Variants in ANO3 observed in about 807,000 individuals in gnomAD.
ANO3 encodes anoctamin 3, also known as anoctamin-3.
ANO3 carries 99 observed loss-of-function variants against 144.8 expected under a neutral mutation model. The ratio of observed to expected loss-of-function variants is 0.68; its 90% CI spans 0.58 to 0.81. The LOEUF (loss-of-function observed/expected upper bound fraction) is 0.81, where lower values mean the gene tolerates loss of function less well. Ranked by LOEUF, ANO3 falls within the 30% of genes least tolerant of loss-of-function variation. ANO3 has a pLI of 0.00. For synonymous variants in ANO3, 414 were observed against 392.6 expected (o/e 1.05, Z -0.64); for missense variants, 905 against 1,202.2 (o/e 0.75, Z 3.66).
At chr11:26,348,933 G>A (rs560826612) in intron 1 of ANO3, among the ~76,000 whole-genome samples, 1 of 152,144 alleles carries the variant, frequency 6.6e-6, no homozygotes, top group Non-Finnish European at 1.5e-5. Context: ...ATGGTTTTTT[G>A]GGAAAAGGTT....
At chr11:26,572,818 G>T (rs1850879502) in intron 14 of ANO3, among the ~76,000 whole-genome samples, 1 of 152,120 alleles carries the variant, frequency 6.6e-6, no homozygotes, top group African/African-American at 2.4e-5. Context: ...AGTTTGGAGA[G>T]GAACTGGGGC....
chr11:26,524,070 A>G (rs1282680701), intron 6 of ANO3, among the ~76,000 whole-genome samples: 1 of 152,218 alleles, frequency 6.6e-6, no homozygotes, highest in Non-Finnish European at 1.5e-5. Context: ...GTTAAATGCA[A>G]CTGTGAATTA....
intron 1 of ANO3, among the ~76,000 whole-genome samples, chr11:26,414,467 A>T (rs1193647329): frequency 6.6e-6 from 1 of 152,096 alleles, no homozygotes; most frequent in Admixed American, 6.6e-5. Flanking sequence ...AGAAGCCATC[A>T]TCCTCAGCAG....
At chr11:26,508,335 G>T in intron 5 of ANO3, 73 bp downstream of exon 5, 3 of 1,350,576 alleles carry the variant, frequency 2.2e-6, no homozygotes, top group Non-Finnish European at 3.0e-6. Context: ...GGTTTAGAAA[G>T]AAAAATATGT....
At chr11:26,419,322 A>G (rs767489671) in intron 1 of ANO3, among the ~76,000 whole-genome samples, 1 of 152,100 alleles carries the variant, frequency 6.6e-6, no homozygotes, top group Non-Finnish European at 1.5e-5. Flanking sequence ...CGCAGATCCA[A>G]ACCACACCAT....
At chr11:26,571,454 A>G (rs1355385268) in intron 14 of ANO3, among the ~76,000 whole-genome samples, 1 of 152,168 alleles carries the variant, frequency 6.6e-6, no homozygotes, top group Non-Finnish European at 1.5e-5. Flanking sequence ...AAAGTTAGAC[A>G]TGTACACATA....
At chr11:26,376,564 C>T (rs1590307020) in intron 1 of ANO3, among the ~76,000 whole-genome samples, 1 of 151,914 alleles carries the variant, frequency 6.6e-6, no homozygotes, top group East Asian at 1.9e-4. Context: ...CTGCCTGCAA[C>T]CAAAGATGTT....
At chr11:26,415,967 G>A (rs1481191748) in intron 1 of ANO3, among the ~76,000 whole-genome samples, 1 of 151,986 alleles carries the variant, frequency 6.6e-6, no homozygotes, top group Admixed American at 6.6e-5. Context: ...GAATTGAATC[G>A]ATTATTCTTA....
At chr11:26,395,351 T>C (rs1446521608) in intron 1 of ANO3, among the ~76,000 whole-genome samples, 1 of 152,186 alleles carries the variant, frequency 6.6e-6, no homozygotes, top group Non-Finnish European at 1.5e-5. Flanking sequence ...GCATTGAATC[T>C]CTAAATTACT....
At chr11:26,313,186 G>A (rs1854540976) in intron 1 of ANO3, among the ~76,000 whole-genome samples, 1 of 152,130 alleles carries the variant, frequency 6.6e-6, no homozygotes, top group Admixed American at 6.5e-5. Context: ...GTTCAATAGA[G>A]TGTCTTCTTT....
chr11:26,401,394 C>T (rs1460747393), intron 1 of ANO3, among the ~76,000 whole-genome samples: 3 of 152,082 alleles, frequency 2.0e-5, no homozygotes, highest in African/African-American at 7.2e-5. Context: ...AGAGAAAGCA[C>T]ATCCATAGTA....
At chr11:26,583,693 C>A (rs34111148) in intron 14 of ANO3, among the ~76,000 whole-genome samples, 14,880 of 152,268 alleles carry the variant, frequency 0.098, 747 homozygotes, top group South Asian at 0.13. Flanking sequence ...ACCTGTTTAG[C>A]AAGGTTTCTG....
At chr11:26,389,083 C>A (rs1326273312) in intron 1 of ANO3, among the ~76,000 whole-genome samples, 1 of 152,096 alleles carries the variant, frequency 6.6e-6, no homozygotes, top group East Asian at 1.9e-4. Context: ...TCTTTCCAGG[C>A]AATGAGTCCT....
At chr11:26,448,028 A>G (rs1452113652) in intron 3 of ANO3, among the ~76,000 whole-genome samples, 1 of 152,268 alleles carries the variant, frequency 6.6e-6, no homozygotes, top group Non-Finnish European at 1.5e-5. Context: ...GGCCGGGTGC[A>G]GTGGCTCATG....
At chr11:26,346,531 C>T (rs540038663) in intron 1 of ANO3, among the ~76,000 whole-genome samples, 9 of 152,176 alleles carry the variant, frequency 5.9e-5, no homozygotes, top group Non-Finnish European at 1.3e-4. Flanking sequence ...TGTAATATAC[C>T]TTTTAAATCT....
intron 4 of ANO3, among the ~76,000 whole-genome samples, chr11:26,493,070 A>G (rs1263299455): frequency 2.6e-5 from 4 of 152,176 alleles, no homozygotes; most frequent in African/African-American, 9.6e-5. Context: ...CGTCACTTTA[A>G]TATTCATTTA....
rs570598849 is a variant in ANO3, at chr11:26,537,283, G to C, written c.977-123G>C. ...CTGTCCTCATAGGTGATGTGGCTAT[G>C]GAAGTCATTTGGGTTATCTTAAACT... On this transcript the variant is annotated intron_variant, in intron 9 of 26. Transcript: ENST00000256737. 10 of 754,126 alleles carry C rather than the reference G, an allele frequency of 1.3e-5. No individual in the cohort carries two copies. The African/African-American group carries it at 1.7e-4, about 13-fold the overall frequency. 46.7% of individuals were successfully genotyped at this position (754,126 alleles called of 1,614,324 possible).
intron 3 of ANO3, among the ~76,000 whole-genome samples, chr11:26,449,971 G>C (rs897469442): frequency 1.3e-5 from 2 of 151,996 alleles, no homozygotes; most frequent in African/African-American, 2.4e-5. Flanking sequence ...GGGCAGGCTG[G>C]TCTCAAACTC....
At chr11:26,594,121 C>T (rs1851536039) in intron 14 of ANO3, among the ~76,000 whole-genome samples, 1 of 152,172 alleles carries the variant, frequency 6.6e-6, no homozygotes, top group Non-Finnish European at 1.5e-5. Context: ...CTTCCTTTCC[C>T]TGTGTTATAG....
Sources: allele counts gnomAD v4.1 joint callset (sites outside exome capture counted in the v4.1 genomes callset), GRCh38; gene constraint gnomAD v4.1.1; transcripts MANE v1.5; gene names NCBI Gene and HGNC (gene_info 2026-07-23, HGNC 2026-07-21).